Variants in STX18 observed in about 807,000 individuals in gnomAD.
STX18 encodes the protein syntaxin 18.
STX18 carries 40 observed loss-of-function variants against 50.1 expected under a neutral mutation model. The observed-to-expected ratio is 0.80, with a 90% CI of 0.62 to 1.04. The LOEUF (loss-of-function observed/expected upper bound fraction) is 1.04. Ranked by LOEUF, STX18 falls within the 50% of genes least tolerant of loss-of-function variation. STX18 has a pLI of 0.00. For missense variants in STX18, 410 were observed against 415.8 expected (o/e 0.99, Z 0.12); for synonymous variants, 158 against 151.8 (o/e 1.04, Z -0.30).
chr4:4,471,771 A>G (rs1727933102), intron 1 of STX18, 65 bp from the exon 2 acceptor site: 1 of 1,188,738 alleles, frequency 8.4e-7, no homozygotes, highest in African/African-American at 1.6e-5. Flanking sequence ...TGAATTTTAA[A>G]TTAATAGAGA....
At chr4:4,531,161 A>ACACACT (rs901527169) in intron 1 of STX18, among the ~76,000 whole-genome samples, 18 of 152,090 alleles carry the variant, frequency 1.2e-4, no homozygotes, top group African/African-American at 4.1e-4. Flanking sequence ...TTACACACAC[A>ACACACT]CACACACACA....
At chr4:4,440,555 C>T (rs1256613967) in intron 5 of STX18, among the ~76,000 whole-genome samples, 1 of 152,186 alleles carries the variant, frequency 6.6e-6, no homozygotes, top group African/African-American at 2.4e-5. Context: ...TCGAATCAGT[C>T]TGAGAAAGCT....
Position 4,419,806 on chromosome 4 carries a change from G to A in STX18, c.*228C>T. 2.1e-6 allele frequency: 1 copy of A among 477,658 alleles called. No homozygotes were observed. The highest frequency in any genetic ancestry group is 3.7e-5 in the East Asian group (1 of 27,012). 29.6% of individuals were successfully genotyped at this position (477,658 alleles called of 1,614,324 possible). On this transcript the variant is annotated 3_prime_UTR_variant, in exon 11 of 11. Coordinates refer to ENST00000306200, the MANE Select transcript of STX18 (RefSeq NM_016930.4). ...TTGCCTGATGAGGGCTACGCAGGCT[G>A]CCTCCCATTGGTGTGCACTGTTTCC...
In STX18 at chr4:4,433,519, A is replaced by G. The variant is rs570318942; in HGVS notation, c.702+1251T>C. On this transcript the variant is annotated intron_variant, in intron 7 of 10. Coordinates refer to ENST00000306200, the MANE Select transcript of STX18 (RefSeq NM_016930.4). Reference sequence around the variant, plus strand: ...TGCGAGAAACACCCAAGAATGATCAATAAAAAAAATAAATTAAAAAAAAAA... The same window carrying G: ...TGCGAGAAACACCCAAGAATGATCAGTAAAAAAAATAAATTAAAAAAAAAA... 5.6e-5 allele frequency among the ~76,000 whole-genome samples: 8 copies of G among 142,756 alleles called. No individual in the cohort carries two copies. In the South Asian group the frequency reaches 1.7e-3, roughly 31 times the overall value. The allele number at this position is 142,756 out of a possible 152,430, so 93.7% of individuals were successfully genotyped here. A position where few individuals can be genotyped will look rare whatever the true frequency, so the allele number is the denominator to read the frequency against.
chr4:4,446,740 G>C (rs2108801816), intron 5 of STX18, among the ~76,000 whole-genome samples: 1 of 151,180 alleles, frequency 6.6e-6, no homozygotes, highest in South Asian at 2.1e-4. Context: ...ACTTAAGACA[G>C]TTTCTTACTA....
At chr4:4,504,096 T>C (rs530954575) in intron 1 of STX18, among the ~76,000 whole-genome samples, 2 of 152,266 alleles carry the variant, frequency 1.3e-5, no homozygotes, top group South Asian at 2.1e-4. Flanking sequence ...CAAATAAAAT[T>C]CTATGAAGCA....
chr4:4,488,078 T>G (rs565660790), intron 1 of STX18, among the ~76,000 whole-genome samples: 1 of 152,192 alleles, frequency 6.6e-6, no homozygotes, highest in African/African-American at 2.4e-5. Flanking sequence ...AATATTTTAG[T>G]ACACTCAAAA....
At chr4:4,473,012 T>G (rs1727997976) in intron 1 of STX18, among the ~76,000 whole-genome samples, 1 of 152,218 alleles carries the variant, frequency 6.6e-6, no homozygotes, top group Admixed American at 6.5e-5. Flanking sequence ...AAATCAGGAC[T>G]GAGAGACTGT....
rs751687624 is a variant in STX18 at position 4,459,445 on chromosome 4, T to G, written c.279A>C (p.Arg93=). The stretch of plus-strand genomic sequence containing the variant: ...TCTGGGCATCCTGGTCTATCTGGTC[T>G]CGTTCTGTGTCTGTCATCCTCCCAT... The part of the protein sequence containing the change: ...SEYGRMTDTE[R]DQIDQDAQIF... The change falls in exon 3 of 11, where the codon CGA becomes CGC. Residue 93 remains arginine, a synonymous_variant. Transcript: ENST00000306200. The G allele has an allele frequency of 2.5e-6, 4 of 1,614,162 alleles. No homozygotes were observed. In the Admixed American group the frequency reaches 5.0e-5, roughly 20 times the overall value.
chr4:4,447,045 T>C (rs1390974656), intron 5 of STX18, among the ~76,000 whole-genome samples: 2 of 152,284 alleles, frequency 1.3e-5, no homozygotes, highest in East Asian at 3.9e-4. Context: ...AGAAACCTAT[T>C]TAAAGATAAA....
rs545087954 is a variant in STX18, at chr4:4,464,342, T to C, written c.237-4855A>G. On this transcript the variant is annotated intron_variant, in intron 2 of 10. Coordinates refer to ENST00000306200, the MANE Select transcript of STX18 (RefSeq NM_016930.4). The stretch of plus-strand genomic sequence containing the variant: ...CGTTTTAGAAGTGTTGCTTATAATG[T>C]TTTTTTCTCTTTTTCTTTCCAAATG... Among the ~76,000 whole-genome samples the C allele has an allele frequency of 6.2e-4, 95 of 152,326 alleles. 1 individual carries two copies. The highest frequency in any genetic ancestry group is 2.3e-3 in the African/African-American group (94 of 41,578).
intron 1 of STX18, among the ~76,000 whole-genome samples, chr4:4,536,846 T>TA (rs1276389666): frequency 4.6e-5 from 7 of 152,316 alleles, no homozygotes; most frequent in African/African-American, 1.4e-4. Context: ...AATCTGAAAA[T>TA]AGAGTTCCCA....
rs115166037 is a variant in STX18 at position 4,537,039 on chromosome 4, T to C, written c.168+4758A>G. 1.1e-4 allele frequency among the ~76,000 whole-genome samples: 16 copies of C among 152,346 alleles called. No homozygotes were observed. In the South Asian group the frequency reaches 2.7e-3, roughly 26 times the overall value. ...TAGAACATGGGTTCCTGCTTTCCTG[T>C]GCGGTGCTCTTCAGTAGCCCCTGCT... On this transcript the variant is annotated intron_variant, in intron 1 of 10. Transcript: ENST00000306200.
chr4:4,480,918 T>G (rs1728428969), intron 1 of STX18, among the ~76,000 whole-genome samples: 1 of 152,196 alleles, frequency 6.6e-6, no homozygotes, highest in African/African-American at 2.4e-5. Context: ...ATGAGATTGT[T>G]TTTAAGCATA....
intron 1 of STX18, among the ~76,000 whole-genome samples, chr4:4,496,938 G>A (rs185312111): frequency 9.2e-5 from 14 of 152,294 alleles, no homozygotes; most frequent in African/African-American, 2.6e-4. Context: ...CATAAGGCCA[G>A]GACAAACTAG....
chr4:4,444,512 T>C (rs1474828361), intron 5 of STX18, among the ~76,000 whole-genome samples: 1 of 152,208 alleles, frequency 6.6e-6, no homozygotes, highest in Non-Finnish European at 1.5e-5. Context: ...GACACAGGTA[T>C]TGGGAGACAC....
intron 1 of STX18, among the ~76,000 whole-genome samples, chr4:4,472,282 T>C (rs1262884897): frequency 3.3e-5 from 5 of 152,206 alleles, no homozygotes; most frequent in African/African-American, 2.4e-5. Context: ...GTTTCTAGTA[T>C]AATAAAAACC....
intron 1 of STX18, chr4:4,506,979 A>G (rs1308998979): frequency 3.0e-6 from 1 of 335,788 alleles, no homozygotes; most frequent in Non-Finnish European, 5.7e-6. Flanking sequence ...AGAGAACTGT[A>G]TTAGCAAAAA....
At chr4:4,421,442 G>T (rs999951730) in intron 9 of STX18, among the ~76,000 whole-genome samples, 1 of 147,292 alleles carries the variant, frequency 6.8e-6, no homozygotes, top group African/African-American at 2.7e-5. Context: ...TTGTAGAGAT[G>T]GGGGGTCTCC....
Sources: allele counts gnomAD v4.1 joint callset (sites outside exome capture counted in the v4.1 genomes callset), GRCh38; gene constraint gnomAD v4.1.1; transcripts MANE v1.5; gene names NCBI Gene and HGNC (gene_info 2026-07-23, HGNC 2026-07-21).